The following CSMD3 variants were observed in gnomAD, a reference collection of about 807,000 sequenced individuals.
The protein encoded by CSMD3 is CUB and Sushi multiple domains 3, also known as CUB and sushi domain-containing protein 3.
CSMD3 carries 177 observed loss-of-function variants against 435.2 expected under a neutral mutation model. That is an observed-to-expected ratio of 0.41 (90% CI 0.36 to 0.46). The LOEUF (loss-of-function observed/expected upper bound fraction) is 0.46. Ranked by LOEUF, CSMD3 falls within the 20% of genes least tolerant of loss-of-function variation. The probability of loss-of-function intolerance (pLI) is 0.34; values close to 1 mark genes in which losing one functional copy is unlikely to be tolerated. For synonymous variants in CSMD3, 1,656 were observed against 1,520.5 expected (o/e 1.09, Z -2.07); for missense variants, 4,265 against 4,504.6 (o/e 0.95, Z 1.52).
At chr8:113,362,052 T>C (rs1473559778) in intron 1 of CSMD3, among the ~76,000 whole-genome samples, 1 of 152,194 alleles carries the variant, frequency 6.6e-6, no homozygotes, top group East Asian at 1.9e-4. Context: ...TATGTATTTC[T>C]CTAAATCATC....
intron 3 of CSMD3, among the ~76,000 whole-genome samples, chr8:113,177,515 T>C (rs931433750): frequency 2.0e-5 from 3 of 151,982 alleles, no homozygotes; most frequent in African/African-American, 7.2e-5. Flanking sequence ...TTATAGAATC[T>C]GAAAAATTGT....
intron 4 of CSMD3, among the ~76,000 whole-genome samples, chr8:113,116,948 G>T (rs759263793): frequency 1.1e-4 from 16 of 152,114 alleles, no homozygotes; most frequent in Non-Finnish European, 2.1e-4. Flanking sequence ...TCTGGCAGAA[G>T]AAATTTCTAA....
intron 11 of CSMD3, among the ~76,000 whole-genome samples, chr8:112,852,623 A>T (rs2080523796): frequency 6.6e-6 from 1 of 152,120 alleles, no homozygotes; most frequent in Non-Finnish European, 1.5e-5. Flanking sequence ...TTCATCCATT[A>T]TCAATTAAGA....
At chr8:112,706,371 A>T (rs1454182672) in intron 13 of CSMD3, among the ~76,000 whole-genome samples, 1 of 152,152 alleles carries the variant, frequency 6.6e-6, no homozygotes, top group Non-Finnish European at 1.5e-5. Flanking sequence ...TAAATAATGT[A>T]ATTTTATCAT....
intron 22 of CSMD3, among the ~76,000 whole-genome samples, chr8:112,596,438 T>C (rs1322646088): frequency 6.6e-6 from 1 of 152,062 alleles, no homozygotes; most frequent in Admixed American, 6.6e-5. Context: ...CACCCCACTG[T>C]CAACATTAGA....
chr8:113,066,629 C>A (rs997225214), intron 5 of CSMD3, among the ~76,000 whole-genome samples: 4 of 151,866 alleles, frequency 2.6e-5, no homozygotes, highest in Non-Finnish European at 5.9e-5. Flanking sequence ...AGTATTCCTG[C>A]TATAAATCTG....
Position 112,733,452 on chromosome 8 carries a change from T to C in CSMD3, c.1973-43402A>G, listed in dbSNP as rs183641283. Among the ~76,000 whole-genome samples the C allele has an allele frequency of 3.6e-3, 548 of 151,958 alleles. 1 individual carries two copies. Among genetic ancestry groups the C allele is most frequent in the African/African-American group, 0.012 (518 of 41,518 alleles). ...TGCATCTATGTAATGTCAATAAAAC[T>C]GCTAATTAGGAAACTCAGTATTTAT... On this transcript the variant is annotated intron_variant, in intron 13 of 70. Coordinates refer to ENST00000297405, the MANE Select transcript of CSMD3 (RefSeq NM_198123.2).
At chr8:112,379,231 A>C (rs1303568452) in intron 38 of CSMD3, among the ~76,000 whole-genome samples, 1 of 152,212 alleles carries the variant, frequency 6.6e-6, no homozygotes, top group Non-Finnish European at 1.5e-5. Context: ...AAACTTTGGG[A>C]AGTCAAGGTG....
intron 59 of CSMD3, among the ~76,000 whole-genome samples, chr8:112,279,333 T>A (rs904235267): frequency 2.0e-5 from 3 of 152,018 alleles, no homozygotes; most frequent in African/African-American, 4.8e-5. Context: ...TTTAGAGGAG[T>A]TACCAAACAC....
chr8:112,410,690 A>ATATATATATG (rs1811223785), intron 32 of CSMD3, among the ~76,000 whole-genome samples: 3 of 112,572 alleles, frequency 2.7e-5, no homozygotes, highest in South Asian at 6.3e-4. Flanking sequence ...ATATATATGT[A>ATATATATATG]TATATATATG....
Position 112,558,327 on chromosome 8 carries a change from C to A in CSMD3, c.4043-1373G>T, listed in dbSNP as rs114967725. On this transcript the variant is annotated intron_variant, in intron 24 of 70. Coordinates refer to ENST00000297405, the MANE Select transcript of CSMD3 (RefSeq NM_198123.2). ...CCCTCATTCCATAGGGGTCCTGCCCCATACCCTGGAAAGGAAAGCTCCATA... is the reference window on the plus strand; with the variant it reads ...CCCTCATTCCATAGGGGTCCTGCCCAATACCCTGGAAAGGAAAGCTCCATA... Among the ~76,000 whole-genome samples, 497 of 152,002 alleles carry A rather than the reference C, an allele frequency of 3.3e-3. 3 individuals carry two copies. Among genetic ancestry groups the A allele is most frequent in the African/African-American group, 0.011 (470 of 41,504 alleles).
intron 32 of CSMD3, among the ~76,000 whole-genome samples, chr8:112,454,542 C>A (rs1376449249): frequency 6.6e-6 from 1 of 152,064 alleles, no homozygotes; most frequent in African/African-American, 2.4e-5. Flanking sequence ...TAATGATATA[C>A]CATCTCACAT....
chr8:113,396,600 G>GA (rs1418417326), intron 1 of CSMD3, among the ~76,000 whole-genome samples: 1 of 152,088 alleles, frequency 6.6e-6, no homozygotes, highest in Non-Finnish European at 1.5e-5. Flanking sequence ...TACATAGACT[G>GA]AAAAATCCTC....
intron 10 of CSMD3, among the ~76,000 whole-genome samples, chr8:112,873,548 G>T (rs2081194356): frequency 6.6e-6 from 1 of 151,854 alleles, no homozygotes; most frequent in Non-Finnish European, 1.5e-5. Context: ...GCTCCTTTAT[G>T]TCAGCAACTA....
chr8:112,439,228 C>T (rs899373893), intron 32 of CSMD3, among the ~76,000 whole-genome samples: 8 of 152,116 alleles, frequency 5.3e-5, no homozygotes, highest in East Asian at 1.9e-4. Flanking sequence ...TCAAGTTCTG[C>T]CTTCTGGGTT....
At chr8:112,767,090 CTGAAGTAAAAA>C (rs1281684109) in intron 13 of CSMD3, among the ~76,000 whole-genome samples, 1 of 151,424 alleles carries the variant, frequency 6.6e-6, no homozygotes, top group African/African-American at 2.4e-5. Context: ...TTTGGGATTC[CTGAAGTAAAAA>C]TGAAGTAAGG....
rs2131890446 is a variant in CSMD3 at position 113,173,785 on chromosome 8, G to T, written c.646C>A (p.Leu216Ile). 6.2e-7 allele frequency: 1 copy of T among 1,613,796 alleles called. No individual in the cohort carries two copies. The highest frequency in any genetic ancestry group is 1.3e-5 in the African/African-American group (1 of 75,052). The change falls in exon 4 of 71, where the codon CTC (leucine) becomes ATC (isoleucine). Residue 216 changes from leucine to isoleucine, a missense_variant. This residue lies in a region of CSMD3 where 731 missense variants were observed against 755.4 expected (regional missense o/e 0.97). Transcript: ENST00000297405. ...TTAACTGAATTGGCTATGCAGGTGA[G>T]CTGAGGGTGGCCATCAAGGATGTAT... ...TGYILDGHPQ[L>I]TCIANSVNTA...
At chr8:113,163,924 T>G (rs1296153088) in intron 4 of CSMD3, among the ~76,000 whole-genome samples, 1 of 152,042 alleles carries the variant, frequency 6.6e-6, no homozygotes, top group Non-Finnish European at 1.5e-5. Context: ...CCTCTCATAT[T>G]ACTAATATTG....
intron 59 of CSMD3, among the ~76,000 whole-genome samples, chr8:112,275,885 C>A (rs531067207): frequency 6.6e-6 from 1 of 152,240 alleles, no homozygotes; most frequent in South Asian, 2.1e-4. Flanking sequence ...TGGCCCCTCA[C>A]AAATCTCATA....
Sources: allele counts gnomAD v4.1 joint callset (sites outside exome capture counted in the v4.1 genomes callset), GRCh38; gene constraint gnomAD v4.1.1; regional missense constraint gnomAD v4.1.1; transcripts MANE v1.5; gene names NCBI Gene and HGNC (gene_info 2026-07-23, HGNC 2026-07-21).